Variants in RBFOX1 observed in about 807,000 individuals in gnomAD.
The protein encoded by RBFOX1 is RNA binding protein fox-1 homolog 1.
RBFOX1 carries 8 observed loss-of-function variants against 57.7 expected under a neutral mutation model. The ratio of observed to expected loss-of-function variants is 0.14; its 90% confidence interval spans 0.08 to 0.25. The LOEUF (loss-of-function observed/expected upper bound fraction) is 0.25. RBFOX1 is among the 10% of genes least tolerant of loss of function. RBFOX1 has a pLI of 1.00. For missense variants in RBFOX1, 611 were observed against 548.5 expected (o/e 1.11, Z -1.14); for synonymous variants, 326 against 222.4 (o/e 1.47, Z -4.15).
intron 1 of RBFOX1, among the ~76,000 whole-genome samples, chr16:6,258,501 A>G (rs984455020): frequency 9.9e-5 from 15 of 152,158 alleles, no homozygotes; most frequent in African/African-American, 3.4e-4. Context: ...ATCTTCCATC[A>G]CAATTCTGTT....
chr16:5,829,559 G>C (rs962761265), intron 3 of RBFOX1, among the ~76,000 whole-genome samples: 4 of 152,042 alleles, frequency 2.6e-5, no homozygotes, highest in African/African-American at 9.7e-5. Context: ...GATTCTGGTG[G>C]CCCTCTTCTA....
At chr16:7,226,106 T>A (rs909113948) in intron 4 of RBFOX1, among the ~76,000 whole-genome samples, 4 of 152,024 alleles carry the variant, frequency 2.6e-5, no homozygotes, top group African/African-American at 9.7e-5. Context: ...AGGACTGAGA[T>A]CCTATCACTT....
intron 1 of RBFOX1, among the ~76,000 whole-genome samples, chr16:6,209,474 T>C (rs536668487): frequency 4.1e-4 from 62 of 152,334 alleles, no homozygotes; most frequent in African/African-American, 1.5e-3. Context: ...TGCCGTCTCA[T>C]CTAATACACG....
intron 3 of RBFOX1, among the ~76,000 whole-genome samples, chr16:7,042,997 C>T (rs910140773): frequency 6.6e-6 from 1 of 152,126 alleles, no homozygotes; most frequent in Non-Finnish European, 1.5e-5. Context: ...TGAGCAAAAC[C>T]TAAATATTTT....
At chr16:6,749,930 G>A (rs899907599) in intron 3 of RBFOX1, among the ~76,000 whole-genome samples, 1 of 152,184 alleles carries the variant, frequency 6.6e-6, no homozygotes, top group Admixed American at 6.5e-5. Flanking sequence ...CAAGCTGACT[G>A]TGTCAGGGTG....
At chr16:7,169,589 C>G (rs943194907) in intron 4 of RBFOX1, among the ~76,000 whole-genome samples, 1 of 152,174 alleles carries the variant, frequency 6.6e-6, no homozygotes, top group Non-Finnish European at 1.5e-5. Flanking sequence ...CAACACATTC[C>G]TACCAGGTAG....
At chr16:7,063,363 C>T (rs1008235644) in intron 4 of RBFOX1, among the ~76,000 whole-genome samples, 58 of 152,092 alleles carry the variant, frequency 3.8e-4, no homozygotes, top group African/African-American at 1.4e-3. Flanking sequence ...AAAGATATAT[C>T]AGTATCAGAG....
At chr16:7,176,624 A>G (rs1040667183) in intron 4 of RBFOX1, among the ~76,000 whole-genome samples, 3 of 152,166 alleles carry the variant, frequency 2.0e-5, no homozygotes, top group Admixed American at 6.6e-5. Flanking sequence ...CAGAAACTAT[A>G]TGGGTGGCAA....
chr16:5,977,755 G>T (rs1371243308), intron 4 of RBFOX1, among the ~76,000 whole-genome samples: 1 of 152,074 alleles, frequency 6.6e-6, no homozygotes, highest in Non-Finnish European at 1.5e-5. Flanking sequence ...CAGATGTGGG[G>T]CAGGCAACTA....
chr16:7,349,268 A>T (rs1232858186), intron 4 of RBFOX1, among the ~76,000 whole-genome samples: 1 of 152,154 alleles, frequency 6.6e-6, no homozygotes, highest in African/African-American at 2.4e-5. Context: ...TGGGAGACCA[A>T]CCAGACTTGC....
chr16:6,648,287 C>G (rs1160722234), intron 2 of RBFOX1, among the ~76,000 whole-genome samples: 1 of 151,958 alleles, frequency 6.6e-6, no homozygotes, highest in Non-Finnish European at 1.5e-5. Flanking sequence ...TCTTCAACTC[C>G]TGGACTCAAA....
At chr16:5,280,506 A>G (rs989013292) in intron 1 of RBFOX1, among the ~76,000 whole-genome samples, 21 of 152,202 alleles carry the variant, frequency 1.4e-4, no homozygotes, top group African/African-American at 4.6e-4. Flanking sequence ...TTTGAGAAGA[A>G]TTGGTGTTTG....
chr16:6,300,127 G>T (rs60530460), intron 1 of RBFOX1, among the ~76,000 whole-genome samples: 101 of 152,150 alleles, frequency 6.6e-4, no homozygotes, highest in African/African-American at 2.3e-3. Flanking sequence ...CTTATATGAG[G>T]AATCTAAAAA....
At chr16:7,689,081 C>T (rs183989250) in intron 14 of RBFOX1, among the ~76,000 whole-genome samples, 6 of 152,022 alleles carry the variant, frequency 3.9e-5, no homozygotes, top group South Asian at 2.1e-4. Context: ...ATCTACAAGA[C>T]GAGGATAAAA....
At chr16:7,270,330 C>G (rs747889358) in intron 4 of RBFOX1, among the ~76,000 whole-genome samples, 1 of 152,100 alleles carries the variant, frequency 6.6e-6, no homozygotes, top group African/African-American at 2.4e-5. Context: ...AAAAACCAAA[C>G]AGAATTACTT....
chr16:7,391,687 T>A (rs917035920), intron 4 of RBFOX1, among the ~76,000 whole-genome samples: 2 of 152,230 alleles, frequency 1.3e-5, no homozygotes, highest in African/African-American at 4.8e-5. Flanking sequence ...CCCAAAAGAC[T>A]GTAAAGGCCA....
At chr16:5,932,999 C>T (rs1597847122) in intron 4 of RBFOX1, among the ~76,000 whole-genome samples, 1 of 152,304 alleles carries the variant, frequency 6.6e-6, no homozygotes, top group East Asian at 1.9e-4. Context: ...CATGACGCCA[C>T]TTAGCTGTGG....
intron 4 of RBFOX1, among the ~76,000 whole-genome samples, chr16:7,275,019 A>C (rs150756385): frequency 2.0e-3 from 305 of 152,252 alleles, no homozygotes; most frequent in African/African-American, 7.0e-3. Context: ...CATGATGTTC[A>C]AGAATCTGAG....
intron 2 of RBFOX1, among the ~76,000 whole-genome samples, chr16:6,450,782 T>TAC (rs1567302832): frequency 1.9e-4 from 8 of 42,498 alleles, no homozygotes; most frequent in African/African-American, 8.0e-4. Context: ...TATATATATA[T>TAC]ATATATACAT....
Sources: allele counts gnomAD v4.1 joint callset (sites outside exome capture counted in the v4.1 genomes callset), GRCh38; gene constraint gnomAD v4.1.1; transcripts MANE v1.5; gene names NCBI Gene and HGNC (gene_info 2026-07-23, HGNC 2026-07-21).